Variants in DAB2IP observed in about 807,000 individuals in gnomAD.
The protein encoded by DAB2IP is disabled homolog 2-interacting protein.
In DAB2IP, 28 loss-of-function variants were observed where a neutral mutation model predicts 107.2. That is an observed-to-expected ratio of 0.26 (90% CI 0.19 to 0.36). The LOEUF (loss-of-function observed/expected upper bound fraction) is 0.36, where lower values mean the gene tolerates loss of function less well. Ranked by LOEUF, DAB2IP falls within the 10% of genes least tolerant of loss-of-function variation. The pLI is 1.00. For synonymous variants in DAB2IP, 755 were observed against 706.4 expected (o/e 1.07, Z -1.09); for missense variants, 1,400 against 1,644.7 (o/e 0.85, Z 2.57).
chr9:121,757,053 G>C, exon 4 of DAB2IP: 1 of 1,614,206 alleles, frequency 6.2e-7, no homozygotes, highest in Non-Finnish European at 8.5e-7. Flanking sequence ...TCGCTCCCAC[G>C]AGTCCCTGCT....
exon 10 of DAB2IP, chr9:121,768,556 G>A (rs769592281): frequency 1.2e-6 from 2 of 1,614,186 alleles, no homozygotes; most frequent in Non-Finnish European, 1.7e-6. Context: ...AGCCGGCTTC[G>A]AGGGCTACAT....
In DAB2IP at chr9:121,760,210, T is replaced by C; in HGVS notation, c.941T>C (p.Val314Ala). The C allele has an allele frequency of 1.2e-6, 2 of 1,613,636 alleles. No individual in the cohort carries two copies. The highest frequency in any genetic ancestry group is 1.7e-6 in the Non-Finnish European group (2 of 1,179,986). Reference sequence around the variant, plus strand: ...TTCGTGGAGAAGTGGTACCCGGTGGTGACGCCCAACCCCAAGGGCGGCAAG... The same window carrying C: ...TTCGTGGAGAAGTGGTACCCGGTGGCGACGCCCAACCCCAAGGGCGGCAAG... Residue 314 changes from valine to alanine, a missense_variant, in exon 6 of 16, where the codon GTG (valine) becomes GCG (alanine). Coordinates refer to ENST00000408936, the Ensembl canonical transcript of DAB2IP. The surrounding 1 kb of genome is among the most constrained non-coding windows in gnomAD (Gnocchi z 5.9).
intron 3 of DAB2IP, among the ~76,000 whole-genome samples, chr9:121,703,759 A>C (rs1024625233): frequency 2.6e-5 from 4 of 152,206 alleles, no homozygotes; most frequent in Admixed American, 2.6e-4. Context: ...TAATATTGGT[A>C]GGGTTAAGTC....
In DAB2IP at chr9:121,776,624, A is replaced by G. The variant is rs948213368; in HGVS notation, c.3314+233A>G. Among the ~76,000 whole-genome samples, 8 of 152,160 alleles carry G rather than the reference A, an allele frequency of 5.3e-5. No individual in the cohort carries two copies. In the East Asian group the frequency reaches 9.7e-4, roughly 18 times the overall value. On this transcript the variant is annotated intron_variant, in intron 14 of 15. Transcript: ENST00000408936. This position sits in a 1 kb window ranked among gnomAD's most constrained non-coding sequence, Gnocchi z 5.4. ...CAAAGCTGGGGATGAGGCTGGACCAATGACAGCTGGCTCCCGACGGGCCTG... is the reference window on the plus strand; with the variant it reads ...CAAAGCTGGGGATGAGGCTGGACCAGTGACAGCTGGCTCCCGACGGGCCTG...
intron 12 of DAB2IP, among the ~76,000 whole-genome samples, chr9:121,774,042 C>T (rs1377023526): frequency 6.6e-6 from 1 of 152,204 alleles, no homozygotes; most frequent in Non-Finnish European, 1.5e-5. Context: ...GTGTGGTGCT[C>T]AGGAGGCCAC....
chr9:121,608,990 A>G (rs985087451), intron 1 of DAB2IP, among the ~76,000 whole-genome samples: 13 of 152,120 alleles, frequency 8.5e-5, no homozygotes, highest in Admixed American at 7.9e-4. Flanking sequence ...CGCCCAGGCT[A>G]GAGTGCAGTG....
At chr9:121,737,167 A>T (rs1831990120) in intron 3 of DAB2IP, 1 of 924,500 alleles carries the variant, frequency 1.1e-6, no homozygotes, top group South Asian at 4.8e-5. Context: ...CTCTTTCTTG[A>T]CCCAGACCTC....
intron 1 of DAB2IP, among the ~76,000 whole-genome samples, chr9:121,602,427 T>A (rs900566559): frequency 6.6e-6 from 1 of 152,168 alleles, no homozygotes; most frequent in Non-Finnish European, 1.5e-5. Context: ...AGGGTCTCAC[T>A]CTGTCATCCA....
In DAB2IP at chr9:121,727,801, C is replaced by T. The variant is rs554431251; in HGVS notation, c.362+28343C>T. ...GCTTGCCTCTCTCTTGGGCAGGCATCCAGCAGGGAAATGCTTTGAAGGAAG... is the reference window on the plus strand; with the variant it reads ...GCTTGCCTCTCTCTTGGGCAGGCATTCAGCAGGGAAATGCTTTGAAGGAAG... On this transcript the variant is annotated intron_variant, in intron 3 of 15. Transcript: ENST00000408936. Among the ~76,000 whole-genome samples the T allele has an allele frequency of 1.3e-3, 191 of 152,288 alleles. 3 individuals are homozygous for T. Among genetic ancestry groups the T allele is most frequent in the Non-Finnish European group, 2.2e-3 (147 of 68,026 alleles).
chr9:121,655,180 G>A (rs1202044565), intron 1 of DAB2IP, among the ~76,000 whole-genome samples: 1 of 152,124 alleles, frequency 6.6e-6, no homozygotes, highest in Non-Finnish European at 1.5e-5. Flanking sequence ...TTCGGAGGGT[G>A]AGGGCCATTT....
intron 2 of DAB2IP, among the ~76,000 whole-genome samples, chr9:121,694,760 G>A (rs1285090437): frequency 2.0e-5 from 3 of 152,160 alleles, no homozygotes; most frequent in Admixed American, 6.5e-5. Context: ...TGTCCAGATG[G>A]GCAATGGGCC....
intron 2 of DAB2IP, among the ~76,000 whole-genome samples, chr9:121,691,173 G>A (rs1306517369): frequency 6.6e-6 from 1 of 152,176 alleles, no homozygotes; most frequent in Non-Finnish European, 1.5e-5. Context: ...GAGAATACCT[G>A]CCAGGCGTCC....
chr9:121,578,036 C>T (rs958838786), intron 1 of DAB2IP, among the ~76,000 whole-genome samples: 4 of 152,036 alleles, frequency 2.6e-5, no homozygotes, highest in Non-Finnish European at 4.4e-5. Context: ...GGCCCTGAAG[C>T]CAGGGCACCA....
At position 121,634,989 on chromosome 9, in the gene DAB2IP, G is replaced by A. The variant is rs867132747; in HGVS notation, c.41-43689G>A. Among the ~76,000 whole-genome samples, 14 of 152,282 alleles carry A rather than the reference G, an allele frequency of 9.2e-5. No individual in the cohort carries two copies. Among genetic ancestry groups the A allele is most frequent in the Middle Eastern group, 3.4e-3 (1 of 294 alleles). ...ACCATGGGGCCCTGTGTGCCAGTGC[G>A]GCCCACCCAGCCTCAGACCTGTGTA... On this transcript the variant is annotated intron_variant, in intron 1 of 16. Transcript: ENST00000259371. This position sits in a 1 kb window ranked among gnomAD's most constrained non-coding sequence, Gnocchi z 4.7.
Position 121,654,531 on chromosome 9 carries a change from G to A in DAB2IP, c.124+2632G>A, listed in dbSNP as rs143587235. On this transcript the variant is annotated intron_variant, in intron 1 of 15. Transcript: ENST00000408936. ...GCCAGGGTGTAGGGTGGAGGCTGGA[G>A]GCACCCTGTCCTCCTCCTCCTTGGT... Among the ~76,000 whole-genome samples, 531 of 152,276 alleles carry A rather than the reference G, an allele frequency of 3.5e-3. 1 individual carries two copies. Among genetic ancestry groups the A allele is most frequent in the African/African-American group, 0.012 (510 of 41,544 alleles).
At chr9:121,593,550 A>G (rs1830457410) in intron 1 of DAB2IP, among the ~76,000 whole-genome samples, 1 of 151,928 alleles carries the variant, frequency 6.6e-6, no homozygotes, top group East Asian at 1.9e-4. Context: ...GGGATTACAG[A>G]CATGAGCCAC....
At chr9:121,778,886 A>T (rs150324196) in intron 14 of DAB2IP, among the ~76,000 whole-genome samples, 14 of 120,318 alleles carry the variant, frequency 1.2e-4, no homozygotes, top group African/African-American at 4.1e-4. Context: ...CTTTTTTTTT[A>T]AATCACTGGT....
At chr9:121,585,988 TG>T (rs1057069013) in intron 1 of DAB2IP, among the ~76,000 whole-genome samples, 14 of 152,330 alleles carry the variant, frequency 9.2e-5, no homozygotes, top group Admixed American at 7.8e-4. Context: ...GAGCCCACCC[TG>T]GCTCCCTGTC....
intron 3 of DAB2IP, among the ~76,000 whole-genome samples, chr9:121,703,082 A>T (rs1229055409): frequency 6.6e-6 from 1 of 152,080 alleles, no homozygotes; most frequent in African/African-American, 2.4e-5. Context: ...CACACCTGAA[A>T]GTTACTAATG....
Sources: gnomAD v4.1 joint callset for allele counts (sites outside exome capture counted in the v4.1 genomes callset) on GRCh38, gnomAD v4.1.1 for gene constraint, Gnocchi (gnomAD v3.1) non-coding constraint, MANE v1.5 for transcripts, NCBI Gene and HGNC (gene_info 2026-07-23, HGNC 2026-07-21) for gene names.